The following DST variants were observed in gnomAD, a reference collection of about 807,000 sequenced individuals.
The protein encoded by DST is bullous pemphigoid antigen.
DST carries 253 observed loss-of-function variants against 875.2 expected under a neutral mutation model. That is an observed-to-expected ratio of 0.29 (90% CI 0.26 to 0.32). The LOEUF (loss-of-function observed/expected upper bound fraction) is 0.32. Among genes scored for constraint, DST ranks in the 10% least tolerant of loss-of-function variants. DST has a pLI of 1.00. For missense variants in DST, 8,287 were observed against 9,111.6 expected, an observed-to-expected ratio of 0.91 and a Z score of 3.68; for synonymous variants, 3,124 against 3,197.1, an observed-to-expected ratio of 0.98 and a Z score of 0.77.
chr6:56,641,440 T>G (rs974048515), intron 17 of DST, among the ~76,000 whole-genome samples: 1 of 151,908 alleles, frequency 6.6e-6, no homozygotes, highest in Admixed American at 6.6e-5. Context: ...TACAAAAAAT[T>G]AGCCAGGTGT....
chr6:56,607,449 A>G lies in DST; in HGVS notation c.7179T>C (p.Phe2393=). ...TAGGATTTTCTATTAAATCACTTGG[A>G]AAGTTTTGAATGTTTTTAGAATGAC... is the stretch of plus-strand genomic sequence containing the variant. ...ECSHSKNIQN[F]PSDLIENPIM... The change falls in exon 40 of 104, where the codon TTT becomes TTC. Residue 2393 remains phenylalanine (F), a synonymous_variant. Transcript: ENST00000680361. The G allele has an allele frequency of 6.2e-7, 1 of 1,605,240 alleles. No individual in the cohort carries two copies. Among genetic ancestry groups the G allele is most frequent in the Non-Finnish European group, 8.5e-7 (1 of 1,175,146 alleles).
chr6:56,683,227 C>T (rs186749034), intron 9 of DST, among the ~76,000 whole-genome samples: 3 of 152,320 alleles, frequency 2.0e-5, no homozygotes, highest in Admixed American at 6.5e-5. Context: ...ATTGTTACCA[C>T]TAGTCTGGAA....
rs1273202662 is a variant in DST at position 56,459,235 on chromosome 6, G to A, written c.23227C>T (p.Arg7743Ter). 6.2e-7 allele frequency: 1 copy of A among 1,612,992 alleles called. No homozygotes were observed. The highest frequency in any genetic ancestry group is 2.2e-5 in the East Asian group (1 of 44,866). ...SKKTPSRPGS[R>*]AGSKAGSRAS... ...CTGCTGCCAGCTTTGCTTCCAGCTC[G>A]ACTTCCTGGTCGGCTGGGAGTCTTC... Residue 7743 changes from arginine (R) to a stop codon, truncating the protein, a stop_gained, in exon 104 of 104, where the codon CGA becomes TGA. Coordinates refer to ENST00000680361, the MANE Select transcript of DST (RefSeq NM_001374736.1). LOFTEE classifies it high-confidence loss of function.
intron 36 of DST, among the ~76,000 whole-genome samples, chr6:56,621,281 C>T (rs2098688694): frequency 6.6e-6 from 1 of 152,100 alleles, no homozygotes; most frequent in Non-Finnish European, 1.5e-5. Flanking sequence ...AACAGAGAGC[C>T]AAATTAGGAA....
intron 4 of DST, among the ~76,000 whole-genome samples, chr6:56,839,209 A>G (rs556829928): frequency 8.5e-5 from 13 of 152,352 alleles, no homozygotes; most frequent in African/African-American, 3.1e-4. Flanking sequence ...CACTATAAAT[A>G]GCCACACAGA....
At chr6:56,747,669 A>AG (rs2099576658) in intron 4 of DST, among the ~76,000 whole-genome samples, 2 of 152,200 alleles carry the variant, frequency 1.3e-5, no homozygotes, top group Admixed American at 1.3e-4. Context: ...CTTTTTTAAA[A>AG]GGTTTTCACT....
intron 5 of DST, among the ~76,000 whole-genome samples, chr6:56,720,265 A>G (rs2099409610): frequency 6.6e-6 from 1 of 152,118 alleles, no homozygotes; most frequent in African/African-American, 2.4e-5. Context: ...AAGAAGAGAA[A>G]TAGGCTCTGT....
intron 47 of DST, among the ~76,000 whole-genome samples, chr6:56,596,023 A>ATTTAT (rs2098379115): frequency 4.1e-5 from 6 of 145,572 alleles, no homozygotes; most frequent in Non-Finnish European, 8.9e-5. Context: ...TTATTTATTT[A>ATTTAT]CTTATTTATT....
intron 15 of DST, chr6:56,642,901 C>A: frequency 6.4e-7 from 1 of 1,563,682 alleles, no homozygotes; most frequent in Non-Finnish European, 8.6e-7. Flanking sequence ...AATATTACAG[C>A]TTTTAGTGGC....
intron 4 of DST, among the ~76,000 whole-genome samples, chr6:56,833,589 G>A (rs191383397): frequency 6.6e-6 from 1 of 151,986 alleles, no homozygotes; most frequent in East Asian, 1.9e-4. Flanking sequence ...CCAACCAACT[G>A]GATACCTGAA....
intron 37 of DST, among the ~76,000 whole-genome samples, chr6:56,613,073 C>T (rs2098558031): frequency 6.6e-6 from 1 of 151,914 alleles, no homozygotes; most frequent in Non-Finnish European, 1.5e-5. Context: ...TATAAAAATA[C>T]CAAGGGTTTA....
At chr6:56,527,160 TTA>T (rs2096817441) in intron 68 of DST, among the ~76,000 whole-genome samples, 1 of 152,196 alleles carries the variant, frequency 6.6e-6, no homozygotes, top group Non-Finnish European at 1.5e-5. Flanking sequence ...CCATGTTATC[TTA>T]TAGAAATATT....
At position 56,536,804 on chromosome 6, in the gene DST, G is replaced by A. The variant is rs143382554; in HGVS notation, c.16745C>T (p.Ala5582Val). 1.3e-6 allele frequency: 2 copies of A among 1,594,130 alleles called. No individual in the cohort carries two copies. Among genetic ancestry groups the A allele is most frequent in the African/African-American group, 1.3e-5 (1 of 74,312 alleles). The change falls in exon 62 of 104, where the codon GCA becomes GTA. Residue 5582 changes from alanine to valine, a missense_variant. By Grantham distance (64) the Ala-to-Val change is moderately conservative. Transcript: ENST00000680361. Reference protein sequence around the residue: ...GLEHDLDDVNARWKTLNKKVA... With the variant: ...GLEHDLDDVNVRWKTLNKKVA... ...CTTCTTATTGAGAGTCTTCCACCGT[G>A]CATTGACATCATCCAGGTCATGCTC...
At chr6:56,573,093 TTA>T in intron 51 of DST, 29 bp from the exon 52 acceptor site, 1 of 1,468,714 alleles carries the variant, frequency 6.8e-7, no homozygotes, top group Non-Finnish European at 9.1e-7. Flanking sequence ...TGCATATCTT[TTA>T]TTATGATGCT....
chr6:56,601,697 G>C (rs1448037640), intron 43 of DST, 21 bp from the exon 44 acceptor site: 2 of 1,397,478 alleles, frequency 1.4e-6, no homozygotes, highest in Non-Finnish European at 2.0e-6. Context: ...AGTAGTACAA[G>C]CTATCAGTAG....
At chr6:56,729,113 T>C (rs2099485746) in intron 5 of DST, among the ~76,000 whole-genome samples, 1 of 152,184 alleles carries the variant, frequency 6.6e-6, no homozygotes, top group Non-Finnish European at 1.5e-5. Context: ...TACTTTATTT[T>C]TGCAACTTTT....
chr6:56,619,233 C>A (rs767134565), intron 36 of DST: 1 of 1,613,558 alleles, frequency 6.2e-7, no homozygotes, highest in South Asian at 1.1e-5. Context: ...TTCTCTAAAA[C>A]TATATTCTCT....
In DST at chr6:56,508,547, T is replaced by C; in HGVS notation, c.19221A>G (p.Gln6407=). The C allele has an allele frequency of 6.2e-7, 1 of 1,613,684 alleles. No individual in the cohort carries two copies. Among genetic ancestry groups the C allele is most frequent in the Non-Finnish European group, 8.5e-7 (1 of 1,179,642 alleles). Residue 6407 remains glutamine, a synonymous_variant, in exon 75 of 104, where the codon CAA becomes CAG. Transcript: ENST00000680361. The part of the protein sequence containing the change: ...DPGIDPSVVK[Q]QQEAAETIRE... Reference sequence around the variant, plus strand: ...TGCTTACCTCTGCTGCTTCTTGCTGTTGTTTTACTACTGAAGGATCAATTC... The same window carrying C: ...TGCTTACCTCTGCTGCTTCTTGCTGCTGTTTTACTACTGAAGGATCAATTC...
In DST at chr6:56,604,672, T is replaced by C. The variant is rs1378511204; in HGVS notation, c.9956A>G (p.Lys3319Arg). The C allele has an allele frequency of 1.2e-6, 2 of 1,611,948 alleles. No homozygotes were observed. Among genetic ancestry groups the C allele is most frequent in the African/African-American group, 1.3e-5 (1 of 74,892 alleles). Residue 3319 changes from lysine (K) to arginine (R), a missense_variant, in exon 40 of 104, where the codon AAG becomes AGG. By Grantham distance (26) the Lys-to-Arg change is conservative. This residue lies in a region of DST where 3,138 missense variants were observed against 3,116.6 expected (regional missense o/e 1.01). Coordinates refer to ENST00000680361, the MANE Select transcript of DST (RefSeq NM_001374736.1). The stretch of plus-strand genomic sequence containing the variant: ...TAGCTGTTGCTCAATTCTTTCTTTC[T>C]TATTATTAATTTCTAAGAATGAATA... ...TDYSFLEINN[K>R]KERIEQQLPK...
Sources: allele counts gnomAD v4.1 joint callset (sites outside exome capture counted in the v4.1 genomes callset), GRCh38; gene constraint gnomAD v4.1.1; regional missense constraint gnomAD v4.1.1; transcripts MANE v1.5; gene names NCBI Gene and HGNC (gene_info 2026-07-23, HGNC 2026-07-21).